The following WDPCP variants were observed in gnomAD, a reference collection of about 807,000 sequenced individuals.
WDPCP encodes WD repeat containing planar cell polarity effector.
A neutral mutation model predicts 93.1 loss-of-function variants in WDPCP; 71 were observed. The ratio of observed to expected loss-of-function variants is 0.76; its 90% CI spans 0.63 to 0.93. The LOEUF (loss-of-function observed/expected upper bound fraction) is 0.93. Among genes scored for constraint, WDPCP ranks in the 40% least tolerant of loss-of-function variants. WDPCP has a pLI of 0.00. For missense variants in WDPCP, 844 were observed against 887.4 expected (o/e 0.95, Z 0.62); for synonymous variants, 315 against 315.0 (o/e 1.00, Z 0.00).
intron 3 of WDPCP, among the ~76,000 whole-genome samples, chr2:63,628,384 A>G (rs1413796348): frequency 6.6e-6 from 1 of 152,196 alleles, no homozygotes; most frequent in East Asian, 1.9e-4. Flanking sequence ...TTTGTATAAT[A>G]TCAAATATAA....
intron 2 of WDPCP, among the ~76,000 whole-genome samples, chr2:63,750,574 TGGTTACTGATCTGAGGGGAAAAG>T: frequency 6.6e-6 from 1 of 152,134 alleles, no homozygotes; most frequent in South Asian, 2.1e-4. Context: ...CCTTCACTCT[TGGTTACTGATCTGAGGGGAAAAG>T]CATTCAATGT....
intron 1 of WDPCP, among the ~76,000 whole-genome samples, chr2:63,546,031 T>G (rs961060490): frequency 2.6e-5 from 4 of 151,998 alleles, no homozygotes; most frequent in African/African-American, 9.7e-5. Flanking sequence ...CAGCCATACC[T>G]CTCAGGATCC....
intron 2 of WDPCP, among the ~76,000 whole-genome samples, chr2:63,669,113 A>G (rs555929941): frequency 5.3e-5 from 8 of 152,308 alleles, no homozygotes; most frequent in African/African-American, 1.9e-4. Context: ...TATGAAGTAG[A>G]TAGTGATGTC....
At chr2:63,681,631 A>G (rs114876236) in intron 2 of WDPCP, among the ~76,000 whole-genome samples, 19 of 152,338 alleles carry the variant, frequency 1.2e-4, no homozygotes, top group Non-Finnish European at 2.5e-4. Context: ...AGGGAAGGAC[A>G]CAGGCCTGGC....
intron 2 of WDPCP, among the ~76,000 whole-genome samples, chr2:63,492,307 C>G (rs1575519813): frequency 6.6e-6 from 1 of 151,982 alleles, no homozygotes; most frequent in Non-Finnish European, 1.5e-5. Context: ...TCTCCCCCCC[C>G]AAAATTGTGA....
intron 2 of WDPCP, among the ~76,000 whole-genome samples, chr2:63,726,052 C>A (rs762473656): frequency 1.3e-5 from 2 of 152,100 alleles, no homozygotes; most frequent in East Asian, 1.9e-4. Flanking sequence ...TTAATTAAGT[C>A]CCACTTGTCA....
At chr2:63,629,264 C>T (rs1709841572) in intron 3 of WDPCP, among the ~76,000 whole-genome samples, 2 of 152,202 alleles carry the variant, frequency 1.3e-5, no homozygotes. Flanking sequence ...CAGAAAAGAA[C>T]TGTAACCCCA....
chr2:63,139,697 A>G (rs1670914977), intron 17 of WDPCP, among the ~76,000 whole-genome samples: 1 of 152,034 alleles, frequency 6.6e-6, no homozygotes, highest in Admixed American at 6.6e-5. Context: ...AGTTTGTTGT[A>G]GATTCTGGAT....
intron 2 of WDPCP, among the ~76,000 whole-genome samples, chr2:63,808,955 T>G (rs1214262141): frequency 6.7e-6 from 1 of 148,190 alleles, no homozygotes; most frequent in South Asian, 2.1e-4. Context: ...CTGCCCGGCC[T>G]CCCATCATCT....
intron 1 of WDPCP, among the ~76,000 whole-genome samples, chr2:63,536,773 C>CTTTTTTTTTTTTTTTTTTTTT (rs58661370): frequency 2.1e-5 from 2 of 93,636 alleles, no homozygotes; most frequent in Non-Finnish European, 1.9e-5. Flanking sequence ...ATTCTTCATG[C>CTTTTTTTTTTTTTTTTTTTTT]TTTTTTTTTT....
At chr2:63,275,062 C>G (rs1682975927) in intron 13 of WDPCP, among the ~76,000 whole-genome samples, 1 of 152,098 alleles carries the variant, frequency 6.6e-6, no homozygotes, top group African/African-American at 2.4e-5. Context: ...AAATCCTCAA[C>G]AAAATACTAG....
chr2:63,323,014 T>C (rs548347308), intron 12 of WDPCP, among the ~76,000 whole-genome samples: 1 of 152,342 alleles, frequency 6.6e-6, no homozygotes, highest in Admixed American at 6.5e-5. Context: ...GTTGGTAGCG[T>C]TGGTTTGCCT....
In WDPCP at chr2:63,421,197, G is replaced by A. The variant is rs188811393; in HGVS notation, c.825+12548C>T. 1.2e-3 allele frequency among the ~76,000 whole-genome samples: 183 copies of A among 152,156 alleles called. 1 individual carries two copies. The highest frequency in any genetic ancestry group is 4.3e-3 in the African/African-American group (178 of 41,508). On this transcript the variant is annotated intron_variant, in intron 9 of 17. Coordinates refer to ENST00000272321, the MANE Select transcript of WDPCP (RefSeq NM_015910.7). ...CAATGAAATCTGTCATTTGTATACAGGATAAATATATAAATGTCTTACCAG... is the reference window on the plus strand; with the variant it reads ...CAATGAAATCTGTCATTTGTATACAAGATAAATATATAAATGTCTTACCAG...
intron 13 of WDPCP, among the ~76,000 whole-genome samples, chr2:63,307,151 G>T (rs766971299): frequency 2.6e-5 from 4 of 152,080 alleles, no homozygotes; most frequent in Non-Finnish European, 5.9e-5. Flanking sequence ...GCTACAAAGA[G>T]AATAAAATAC....
intron 14 of WDPCP, among the ~76,000 whole-genome samples, chr2:63,231,270 A>G (rs1678853280): frequency 6.6e-6 from 1 of 152,184 alleles, no homozygotes; most frequent in South Asian, 2.1e-4. Flanking sequence ...AAAGTCGCAC[A>G]AGACAGGGAT....
chr2:63,840,311 C>T, the WDPCP span, among the ~76,000 whole-genome samples: 1 of 152,232 alleles, frequency 6.6e-6, no homozygotes, highest in Non-Finnish European at 1.5e-5. Context: ...TTCCGTGTAA[C>T]ATCCTCTTTC....
chr2:63,273,444 TA>T (rs201155893), intron 13 of WDPCP, among the ~76,000 whole-genome samples: 2,623 of 139,814 alleles, frequency 0.019, 70 homozygotes, highest in African/African-American at 0.059. Context: ...TTAAAACATG[TA>T]AAAAAAAAAA....
intron 6 of WDPCP, among the ~76,000 whole-genome samples, chr2:63,446,834 C>T (rs1697898888): frequency 6.6e-6 from 1 of 152,354 alleles, no homozygotes; most frequent in South Asian, 2.1e-4. Context: ...TGTTCTCATT[C>T]TCTGCTCACC....
chr2:63,137,246 CTTT>C (rs1670688811), intron 17 of WDPCP, among the ~76,000 whole-genome samples: 1 of 152,046 alleles, frequency 6.6e-6, no homozygotes, highest in African/African-American at 2.4e-5. Flanking sequence ...TTGTTGTTTA[CTTT>C]TTAATAGTCA....
Sources: allele counts gnomAD v4.1 joint callset (sites outside exome capture counted in the v4.1 genomes callset), GRCh38; gene constraint gnomAD v4.1.1; transcripts MANE v1.5; gene names NCBI Gene and HGNC (gene_info 2026-07-23, HGNC 2026-07-21).